The following FHIT variants were observed in gnomAD, a reference collection of about 807,000 sequenced individuals.
FHIT encodes bis(5'-adenosyl)-triphosphatase.
Under a neutral mutation model 17.9 loss-of-function variants are expected in FHIT, and 19 were observed. The observed-to-expected ratio is 1.06, with a 90% CI of 0.74 to 1.56. The LOEUF is 1.56. FHIT is among the 40% of genes most tolerant of loss of function. The probability of loss-of-function intolerance (pLI) is 0.00; values close to 1 mark genes in which losing one functional copy is unlikely to be tolerated. For missense variants in FHIT, 248 were observed against 189.2 expected, an observed-to-expected ratio of 1.31 and a Z score of -1.82; for synonymous variants, 81 against 69.7, an observed-to-expected ratio of 1.16 and a Z score of -0.81.
intron 5 of FHIT, among the ~76,000 whole-genome samples, chr3:60,172,939 C>A (rs1362939583): frequency 6.6e-6 from 1 of 152,198 alleles, no homozygotes; most frequent in South Asian, 2.1e-4. Context: ...ATTCTGCTTG[C>A]TTCACCTACA....
intron 4 of FHIT, among the ~76,000 whole-genome samples, chr3:60,799,181 T>C (rs1553731440): frequency 6.6e-6 from 1 of 152,096 alleles, no homozygotes; most frequent in East Asian, 1.9e-4. Context: ...ATGATTAGTA[T>C]TATTATTTTT....
chr3:60,287,278 C>G (rs964167874), intron 5 of FHIT, among the ~76,000 whole-genome samples: 1 of 152,134 alleles, frequency 6.6e-6, no homozygotes, highest in African/African-American at 2.4e-5. Context: ...AAGCAATTCT[C>G]CTGCCTCAGC....
At chr3:60,502,868 T>C in intron 5 of FHIT, among the ~76,000 whole-genome samples, 1 of 152,184 alleles carries the variant, frequency 6.6e-6, no homozygotes, top group East Asian at 1.9e-4. Flanking sequence ...GGTCAAGCCT[T>C]AGAAATTCAC....
chr3:60,218,434 TAAGA>T (rs1703799781), intron 5 of FHIT, among the ~76,000 whole-genome samples: 1 of 152,154 alleles, frequency 6.6e-6, no homozygotes, highest in African/African-American at 2.4e-5. Context: ...AAACAGTTGA[TAAGA>T]AAGTTCAACT....
chr3:60,229,725 T>G (rs2107549912), intron 5 of FHIT, among the ~76,000 whole-genome samples: 1 of 152,320 alleles, frequency 6.6e-6, no homozygotes, highest in East Asian at 1.9e-4. Flanking sequence ...CACACTTACG[T>G]ATAATCCCAG....
intron 8 of FHIT, among the ~76,000 whole-genome samples, chr3:59,917,818 G>T (rs759638761): frequency 2.0e-5 from 3 of 152,188 alleles, no homozygotes; most frequent in Non-Finnish European, 2.9e-5. Context: ...GGAAAGAAAG[G>T]AAGAGTAGCT....
At chr3:61,195,575 A>G (rs1229066416) in intron 2 of FHIT, among the ~76,000 whole-genome samples, 2 of 152,198 alleles carry the variant, frequency 1.3e-5, no homozygotes, top group Admixed American at 6.5e-5. Context: ...TTTACAATAC[A>G]GATTTTTGGT....
chr3:60,197,796 C>G (rs1319019230), intron 5 of FHIT, among the ~76,000 whole-genome samples: 2 of 152,152 alleles, frequency 1.3e-5, no homozygotes, highest in Non-Finnish European at 2.9e-5. Context: ...AAGCACAGCA[C>G]AAACCTACCC....
chr3:60,731,041 G>T (rs2042018698), intron 4 of FHIT, among the ~76,000 whole-genome samples: 1 of 152,020 alleles, frequency 6.6e-6, no homozygotes, highest in African/African-American at 2.4e-5. Context: ...TGAGGCAGGA[G>T]AATTGCTTGA....
rs573266954 is a variant in FHIT, at chr3:61,107,771, G to A, written c.-163-65672C>T. On this transcript the variant is annotated intron_variant, in intron 2 of 9. Coordinates refer to ENST00000492590, the MANE Select transcript of FHIT (RefSeq NM_002012.4). The stretch of plus-strand genomic sequence containing the variant: ...GGCTCAGAGACTCCAGTGCAGCTGC[G>A]TGGTAGAAGAAGATTTATGGACAGA... 3.2e-4 allele frequency among the ~76,000 whole-genome samples: 48 copies of A among 152,274 alleles called. 1 individual carries two copies. Among genetic ancestry groups the A allele is most frequent in the South Asian group, 8.3e-4 (4 of 4,826 alleles).
At chr3:60,303,336 A>T (rs781141617) in intron 5 of FHIT, among the ~76,000 whole-genome samples, 22 of 152,290 alleles carry the variant, frequency 1.4e-4, no homozygotes, top group Non-Finnish European at 2.6e-4. Context: ...AGATAAGGCT[A>T]ATGGGTTTCA....
intron 3 of FHIT, among the ~76,000 whole-genome samples, chr3:61,002,405 C>T (rs552365990): frequency 2.1e-4 from 32 of 152,198 alleles, no homozygotes; most frequent in African/African-American, 5.8e-4. Context: ...TGGGACTACA[C>T]GCATGTGCCA....
At chr3:61,067,457 A>G (rs2034649919) in intron 2 of FHIT, among the ~76,000 whole-genome samples, 1 of 152,196 alleles carries the variant, frequency 6.6e-6, no homozygotes, top group South Asian at 2.1e-4. Flanking sequence ...GCAACTATGT[A>G]TGACAACATG....
At chr3:60,713,697 C>T (rs1385493247) in intron 4 of FHIT, among the ~76,000 whole-genome samples, 5 of 152,202 alleles carry the variant, frequency 3.3e-5, no homozygotes, top group African/African-American at 7.2e-5. Context: ...ATAAATTCCT[C>T]GACACATACA....
intron 3 of FHIT, among the ~76,000 whole-genome samples, chr3:60,832,685 C>A (rs114165238): frequency 0.077 from 11,275 of 146,372 alleles, 509 homozygotes; most frequent in African/African-American, 0.12. Context: ...TAAATCAATT[C>A]ATAAAAAAAA....
chr3:60,045,271 T>C (rs1007633599), intron 5 of FHIT, among the ~76,000 whole-genome samples: 17 of 152,158 alleles, frequency 1.1e-4, no homozygotes, highest in African/African-American at 3.4e-4. Flanking sequence ...TACCTGAGAC[T>C]GGGCAATTTA....
intron 4 of FHIT, among the ~76,000 whole-genome samples, chr3:60,774,394 G>A (rs1310854552): frequency 1.3e-5 from 2 of 152,164 alleles, no homozygotes; most frequent in African/African-American, 4.8e-5. Context: ...TCTGCCTCTC[G>A]CGTTCATGCA....
chr3:60,861,677 C>T (rs1400215146), intron 3 of FHIT, among the ~76,000 whole-genome samples: 1 of 151,906 alleles, frequency 6.6e-6, no homozygotes, highest in African/African-American at 2.4e-5. Flanking sequence ...AAAAGAGGTC[C>T]AGCCCAGTTT....
chr3:61,150,354 A>T (rs1360022084), intron 2 of FHIT, among the ~76,000 whole-genome samples: 1 of 151,818 alleles, frequency 6.6e-6, no homozygotes, highest in Admixed American at 6.6e-5. Flanking sequence ...TAAGAGATGG[A>T]GTCTCCCTAT....
Sources: allele counts gnomAD v4.1 joint callset (sites outside exome capture counted in the v4.1 genomes callset), GRCh38; gene constraint gnomAD v4.1.1; transcripts MANE v1.5; gene names NCBI Gene and HGNC (gene_info 2026-07-23, HGNC 2026-07-21).